The following SNCAIP variants were observed in gnomAD, a reference collection of about 807,000 sequenced individuals.
SNCAIP encodes the protein synuclein alpha interacting protein.
In SNCAIP, 43 loss-of-function variants were observed where a neutral mutation model predicts 86.7. The observed-to-expected ratio is 0.50, with a 90% CI of 0.39 to 0.64. SNCAIP has a LOEUF of 0.64. Ranked by LOEUF, SNCAIP falls within the 30% of genes least tolerant of loss-of-function variation. The pLI is 0.00. For synonymous variants in SNCAIP, 417 were observed against 427.2 expected, an observed-to-expected ratio of 0.98 and a Z score of 0.29; for missense variants, 981 against 1,103.1, an observed-to-expected ratio of 0.89 and a Z score of 1.57.
chr5:122,414,395 T>C (rs549904946), intron 3 of SNCAIP, among the ~76,000 whole-genome samples: 71 of 152,220 alleles, frequency 4.7e-4, no homozygotes, highest in Non-Finnish European at 1.0e-3. Flanking sequence ...CATGCCTGGC[T>C]AATTTTTGTA....
intron 1 of SNCAIP, among the ~76,000 whole-genome samples, chr5:122,366,774 A>G (rs934459844): frequency 1.3e-5 from 2 of 152,148 alleles, no homozygotes; most frequent in Non-Finnish European, 2.9e-5. Flanking sequence ...AGTTGCGGCC[A>G]TCTTCCCTGT....
chr5:122,330,439 G>T (rs1276135737), intron 1 of SNCAIP, among the ~76,000 whole-genome samples: 1 of 152,118 alleles, frequency 6.6e-6, no homozygotes, highest in Non-Finnish European at 1.5e-5. Context: ...TAACAATAGT[G>T]AGAAAGTGAG....
Position 122,344,126 on chromosome 5 carries a change from G to C in SNCAIP, c.-47+31842G>C, listed in dbSNP as rs528484419. On this transcript the variant is annotated intron_variant, in intron 1 of 10. Transcript: ENST00000261368. ...CTCCACCTGAAATTCATATTGAATT[G>C]TTTATTGTTCTCCTCCTCCGCTAAA... Among the ~76,000 whole-genome samples the C allele has an allele frequency of 2.0e-5, 3 of 152,182 alleles. No individual in the cohort carries two copies. In the East Asian group the frequency reaches 5.8e-4, roughly 29 times the overall value.
At chr5:122,437,328 C>G (rs957916746) in intron 6 of SNCAIP, 1 of 152,170 alleles carries the variant, frequency 6.6e-6, no homozygotes, top group Non-Finnish European at 1.5e-5. Flanking sequence ...AGAATCAGGG[C>G]AGGATTTGTC....
intron 1 of SNCAIP, among the ~76,000 whole-genome samples, chr5:122,370,254 A>G (rs1031058735): frequency 7.2e-5 from 11 of 152,160 alleles, no homozygotes; most frequent in Admixed American, 5.9e-4. Flanking sequence ...CATGGATCCC[A>G]CACATCTCTG....
At chr5:122,388,192 A>G (rs1768610225) in intron 1 of SNCAIP, among the ~76,000 whole-genome samples, 1 of 152,188 alleles carries the variant, frequency 6.6e-6, no homozygotes, top group African/African-American at 2.4e-5. Context: ...AGCTTCAGGT[A>G]TTTAAAACAA....
chr5:122,438,753 T>C lies in SNCAIP; in HGVS notation c.1297-1876T>C, dbSNP rs560234520. On this transcript the variant is annotated intron_variant, in intron 6 of 10. Coordinates refer to ENST00000261368, the MANE Select transcript of SNCAIP (RefSeq NM_005460.4). ...TTGTCCGCTCCCTCAGTTTTCTGACTTATAAAATAAGGCTTTTTGAATTGG... is the reference window on the plus strand; with the variant it reads ...TTGTCCGCTCCCTCAGTTTTCTGACCTATAAAATAAGGCTTTTTGAATTGG... Among the ~76,000 whole-genome samples, 3 of 152,330 alleles carry C rather than the reference T, an allele frequency of 2.0e-5. 1 individual carries two copies. In the South Asian group the frequency reaches 6.2e-4, roughly 32 times the overall value.
In SNCAIP at chr5:122,350,014, C is replaced by T. The variant is rs1580581787; in HGVS notation, c.-47+37730C>T. Among the ~76,000 whole-genome samples, 4 of 152,272 alleles carry T rather than the reference C, an allele frequency of 2.6e-5. No individual in the cohort carries two copies. The South Asian group carries it at 8.3e-4, about 32-fold the overall frequency. On this transcript the variant is annotated intron_variant, in intron 1 of 10. Coordinates refer to ENST00000261368, the MANE Select transcript of SNCAIP (RefSeq NM_005460.4). ...TTATGATTTGTTCATATTAGATAGA[C>T]ACCCAGCAAGTTCTTATGAAGTTAG...
chr5:122,351,780 A>C (rs1759904454), intron 1 of SNCAIP, among the ~76,000 whole-genome samples: 1 of 152,108 alleles, frequency 6.6e-6, no homozygotes, highest in Non-Finnish European at 1.5e-5. Flanking sequence ...CTGGCTGCTT[A>C]GCAAATTTAG....
At chr5:122,325,267 C>T (rs746174413) in intron 1 of SNCAIP, among the ~76,000 whole-genome samples, 9 of 152,086 alleles carry the variant, frequency 5.9e-5, no homozygotes, top group African/African-American at 1.7e-4. Context: ...CTCTGGCTTC[C>T]GGTTGGGTTT....
At chr5:122,377,289 G>A (rs890823193) in intron 1 of SNCAIP, among the ~76,000 whole-genome samples, 1 of 152,102 alleles carries the variant, frequency 6.6e-6, no homozygotes, top group Non-Finnish European at 1.5e-5. Context: ...TTAAAGAAGT[G>A]ACACTCAGAA....
intron 1 of SNCAIP, among the ~76,000 whole-genome samples, chr5:122,387,853 ATTTGTAGGAAATTGTATTTTG>A (rs1768527156): frequency 6.6e-6 from 1 of 152,228 alleles, no homozygotes; most frequent in South Asian, 2.1e-4. Context: ...CCAATAGTTT[ATTTGTAGGAAATTGTATTTTG>A]TTGCTGTTGT....
rs78504002 is a variant in SNCAIP at position 122,441,491 on chromosome 5, G to A, written c.1422+737G>A. Among the ~76,000 whole-genome samples, 257 of 152,248 alleles carry A rather than the reference G, an allele frequency of 1.7e-3. 1 individual carries two copies. Among genetic ancestry groups the A allele is most frequent in the African/African-American group, 5.8e-3 (242 of 41,548 alleles). ...GCCACAGGAGAGGGGAAGGAGTCTC[G>A]ACCCCCTGCCCCAAGCCACATGAAG... On this transcript the variant is annotated intron_variant, in intron 7 of 10. Coordinates refer to ENST00000261368, the MANE Select transcript of SNCAIP (RefSeq NM_005460.4).
chr5:122,353,609 TC>T (rs1420811197), intron 1 of SNCAIP, among the ~76,000 whole-genome samples: 2 of 152,128 alleles, frequency 1.3e-5, no homozygotes, highest in African/African-American at 2.4e-5. Context: ...TGTGCTATTC[TC>T]ATGATAGTGA....
intron 1 of SNCAIP, among the ~76,000 whole-genome samples, chr5:122,359,426 C>T (rs557222107): frequency 2.0e-4 from 30 of 151,402 alleles, no homozygotes; most frequent in Admixed American, 4.6e-4. Context: ...TTCAGTGGTG[C>T]GATACCAGCT....
At chr5:122,355,104 A>T (rs930692101) in intron 1 of SNCAIP, among the ~76,000 whole-genome samples, 4 of 152,188 alleles carry the variant, frequency 2.6e-5, no homozygotes, top group African/African-American at 9.7e-5. Flanking sequence ...TACTGTAAAC[A>T]TTTCTAGAGA....
intron 1 of SNCAIP, chr5:122,383,619 C>T (rs565122792): frequency 6.6e-6 from 1 of 152,326 alleles, no homozygotes; most frequent in Non-Finnish European, 1.5e-5. Flanking sequence ...GACTTAAAAA[C>T]TAGTCTCTCC....
chr5:122,336,669 T>C (rs989366721), intron 1 of SNCAIP: 1 of 152,436 alleles, frequency 6.6e-6, no homozygotes, highest in Non-Finnish European at 1.5e-5. Flanking sequence ...GGTGCAATTA[T>C]GGCTCTCTAC....
intron 3 of SNCAIP, among the ~76,000 whole-genome samples, chr5:122,414,308 G>T (rs972412209): frequency 6.7e-6 from 1 of 148,672 alleles, no homozygotes; most frequent in Admixed American, 6.7e-5. Flanking sequence ...TCAGCTCACT[G>T]CAACCTCCAT....
Sources: allele counts gnomAD v4.1 joint callset (sites outside exome capture counted in the v4.1 genomes callset), GRCh38; gene constraint gnomAD v4.1.1; transcripts MANE v1.5; gene names NCBI Gene and HGNC (gene_info 2026-07-23, HGNC 2026-07-21).